THUMPD2: variants seen among roughly 807,000 people sequenced by gnomAD.
The protein encoded by THUMPD2 is THUMP domain 2 tRNA and snRNA guanosine methyltransferase, also known as U6 snRNA (guanine-N(2))-methyltransferase THUMPD2.
In THUMPD2, 56 loss-of-function variants were observed where a neutral mutation model predicts 49.4. The observed-to-expected ratio is 1.13, with a 90% CI of 0.91 to 1.41. THUMPD2 has a LOEUF of 1.41. THUMPD2 is among the 40% of genes most tolerant of loss of function. The pLI, the probability that THUMPD2 is intolerant of heterozygous loss-of-function variation, is 0.00. For synonymous variants in THUMPD2, 237 were observed against 205.2 expected (o/e 1.15, Z -1.32); for missense variants, 709 against 594.5 (o/e 1.19, Z -2.00).
chr2:39,756,952 A>T (rs1209470624), intron 6 of THUMPD2, among the ~76,000 whole-genome samples: 2 of 37,270 alleles, frequency 5.4e-5, no homozygotes, highest in Non-Finnish European at 9.8e-5. Context: ...GGTATTGGAG[A>T]AAAAAAAAAA....
intron 5 of THUMPD2, among the ~76,000 whole-genome samples, chr2:39,762,453 C>T (rs1001825880): frequency 6.6e-6 from 1 of 151,766 alleles, no homozygotes; most frequent in African/African-American, 2.4e-5. Flanking sequence ...AATGATATAC[C>T]CCTTTAAAAT....
intron 4 of THUMPD2, among the ~76,000 whole-genome samples, chr2:39,767,368 G>A (rs57728145): frequency 0.053 from 8,048 of 151,852 alleles, 722 homozygotes; most frequent in African/African-American, 0.18. Context: ...ACTTTGGGAG[G>A]CCGAGGCGGG....
chr2:39,766,968 C>A (rs1438218745), intron 4 of THUMPD2, among the ~76,000 whole-genome samples: 1 of 152,102 alleles, frequency 6.6e-6, no homozygotes. Flanking sequence ...TTTCTATTGA[C>A]AATTTATTCT....
chr2:39,746,079 A>C (rs1674547971), intron 8 of THUMPD2, among the ~76,000 whole-genome samples: 2 of 152,212 alleles, frequency 1.3e-5, no homozygotes. Context: ...GCCTGGCACA[A>C]AGTGAGCATT....
At chr2:39,741,549 C>T (rs562636498) in intron 9 of THUMPD2, among the ~76,000 whole-genome samples, 9 of 152,284 alleles carry the variant, frequency 5.9e-5, no homozygotes, top group African/African-American at 1.9e-4. Context: ...TGTATTTGCA[C>T]AGTTACATTT....
intron 1 of THUMPD2, among the ~76,000 whole-genome samples, 153 bp downstream of exon 1, chr2:39,778,961 G>A (rs909195146): frequency 5.3e-5 from 8 of 152,226 alleles, no homozygotes; most frequent in African/African-American, 1.9e-4. Flanking sequence ...CGGCCGGAGC[G>A]GAAGCGCCTG....
At chr2:39,764,212 C>G (rs1558524080) in intron 5 of THUMPD2, among the ~76,000 whole-genome samples, 1 of 152,174 alleles carries the variant, frequency 6.6e-6, no homozygotes, top group Non-Finnish European at 1.5e-5. Flanking sequence ...TGAACTGTTT[C>G]AAAAGTTGAA....
At chr2:39,757,315 G>C in intron 6 of THUMPD2, 2 of 1,091,226 alleles carry the variant, frequency 1.8e-6, no homozygotes. Context: ...TATGTCTACA[G>C]AGGAAGCAGA....
chr2:39,775,141 T>C (rs1482448756), intron 1 of THUMPD2, among the ~76,000 whole-genome samples: 1 of 152,050 alleles, frequency 6.6e-6, no homozygotes, highest in East Asian at 1.9e-4. Flanking sequence ...CTGGGCACAG[T>C]GGCATATGCC....
intron 5 of THUMPD2, among the ~76,000 whole-genome samples, 173 bp from the exon 6 acceptor site, chr2:39,761,591 G>A (rs925374711): frequency 6.6e-6 from 1 of 152,044 alleles, no homozygotes; most frequent in African/African-American, 2.4e-5. Flanking sequence ...TTCTCTAATG[G>A]GCACCTTGTC....
chr2:39,741,764 C>A (rs556252715), intron 9 of THUMPD2, among the ~76,000 whole-genome samples: 1 of 152,140 alleles, frequency 6.6e-6, no homozygotes, highest in Non-Finnish European at 1.5e-5. Flanking sequence ...ACTATTTCCA[C>A]TGCCTGTTAT....
At chr2:39,768,984 T>C (rs1445070571) in intron 3 of THUMPD2, 1 of 1,304,620 alleles carries the variant, frequency 7.7e-7, no homozygotes, top group Admixed American at 2.3e-5. Context: ...AAGGGCCAAC[T>C]GATGAGGTCT....
At chr2:39,773,112 T>C (rs1678556826) in intron 1 of THUMPD2, among the ~76,000 whole-genome samples, 1 of 152,166 alleles carries the variant, frequency 6.6e-6, no homozygotes, top group East Asian at 1.9e-4. Context: ...GAACTTCCGG[T>C]TTCTAGAATT....
At chr2:39,772,052 T>G (rs1397801591) in intron 1 of THUMPD2, among the ~76,000 whole-genome samples, 2 of 152,146 alleles carry the variant, frequency 1.3e-5, no homozygotes, top group Non-Finnish European at 2.9e-5. Flanking sequence ...ACTAAAAAGT[T>G]TTAACATTAT....
At chr2:39,774,026 T>C (rs1558543866) in intron 1 of THUMPD2, among the ~76,000 whole-genome samples, 1 of 152,246 alleles carries the variant, frequency 6.6e-6, no homozygotes, top group African/African-American at 2.4e-5. Flanking sequence ...TTTCTCTGAG[T>C]ACCCCAGTTT....
intron 3 of THUMPD2, 166 bp downstream of exon 3, chr2:39,769,544 A>G: frequency 1.7e-6 from 1 of 586,966 alleles, no homozygotes; most frequent in Non-Finnish European, 2.7e-6. Flanking sequence ...TCTACTAAAA[A>G]TACAAAAATT....
At chr2:39,765,041 TAAG>T (rs890982771) in intron 5 of THUMPD2, among the ~76,000 whole-genome samples, 2 of 150,950 alleles carry the variant, frequency 1.3e-5, no homozygotes, top group Admixed American at 6.6e-5. Context: ...ATTAGTTAAA[TAAG>T]AAGCACAAAA....
At chr2:39,766,301 T>C (rs1677509027) in intron 4 of THUMPD2, 192 bp from the exon 5 acceptor site, 5 of 421,196 alleles carry the variant, frequency 1.2e-5, no homozygotes, top group Admixed American at 9.3e-5. Context: ...AAATTTTAAG[T>C]ACATTTCATA....
At chr2:39,758,292 A>C (rs1218189494) in intron 6 of THUMPD2, among the ~76,000 whole-genome samples, 1 of 152,176 alleles carries the variant, frequency 6.6e-6, no homozygotes, top group African/African-American at 2.4e-5. Context: ...TAAATCAAAC[A>C]AAAAAAGAGA....
Sources: gnomAD v4.1 joint callset for allele counts (sites outside exome capture counted in the v4.1 genomes callset) on GRCh38, gnomAD v4.1.1 for gene constraint, MANE v1.5 for transcripts, NCBI Gene and HGNC (gene_info 2026-07-23, HGNC 2026-07-21) for gene names.